NDUFAF3: variants seen among roughly 807,000 people sequenced by gnomAD.
NDUFAF3 encodes NADH dehydrogenase [ubiquinone] 1 alpha subcomplex assembly factor 3.
In NDUFAF3, 21 loss-of-function variants were observed where a neutral mutation model predicts 22.6. That is an observed-to-expected ratio of 0.93 (90% CI 0.66 to 1.34). The LOEUF (loss-of-function observed/expected upper bound fraction) is 1.34, where lower values mean the gene tolerates loss of function less well. NDUFAF3 is among the 40% of genes most tolerant of loss of function. NDUFAF3 has a pLI of 0.00. For missense variants in NDUFAF3, 251 were observed against 248.4 expected, an observed-to-expected ratio of 1.01 and a Z score of -0.07; for synonymous variants, 113 against 104.9, an observed-to-expected ratio of 1.08 and a Z score of -0.47.
At position 49,022,581 on chromosome 3, in the gene NDUFAF3, C is replaced by T. The variant is rs769452693; in HGVS notation, c.270+43C>T. ...GTGTGGAAACTGAGGCCCAGAGTCA[C>T]AGGCCCTCACCCTGCTTGGTCCCTG... On this transcript the variant is annotated intron_variant, in intron 2 of 4. Transcript: ENST00000326925. The surrounding 1 kb of genome is among the most constrained non-coding windows in gnomAD (Gnocchi z 6.6). 2.4e-5 allele frequency: 39 copies of T among 1,613,324 alleles called. No homozygotes were observed. In the African/African-American group the frequency reaches 3.9e-4, roughly 16 times the overall value.
In NDUFAF3 at chr3:49,022,843, A is replaced by G. The variant is rs1431595752; in HGVS notation, c.338-33A>G. The G allele has an allele frequency of 3.7e-6, 6 of 1,613,368 alleles. No individual in the cohort carries two copies. The highest frequency in any genetic ancestry group is 5.1e-6 in the Non-Finnish European group (6 of 1,179,712). Reference sequence around the variant, plus strand: ...GACCCCCACTGCAGCCTCTCAACAGAACTGTAGACTAGCCACACCCACCCT... The same window carrying G: ...GACCCCCACTGCAGCCTCTCAACAGGACTGTAGACTAGCCACACCCACCCT... On this transcript the variant is annotated intron_variant, in intron 3 of 4. Transcript: ENST00000326925. This position sits in a 1 kb window ranked among gnomAD's most constrained non-coding sequence, Gnocchi z 6.6.
At chr3:49,021,588 C>T (rs1382684146), upstream of NDUFAF3, 2 of 158,092 alleles carry the variant, frequency 1.3e-5, no homozygotes, top group Non-Finnish European at 2.8e-5. This position sits in a 1 kb window ranked among gnomAD's most constrained non-coding sequence, Gnocchi z 4.1. Context: ...AATCCACGCT[C>T]GGCCACGCCC....
upstream of NDUFAF3, chr3:49,021,280 G>A (rs1045169183): frequency 6.6e-6 from 1 of 152,372 alleles, no homozygotes; most frequent in Non-Finnish European, 1.5e-5. The surrounding 1 kb of genome is among the most constrained non-coding windows in gnomAD (Gnocchi z 4.1). Flanking sequence ...CAGAGCCGGC[G>A]TGCCGAGATG....
At position 49,022,633 on chromosome 3, in the gene NDUFAF3, C is replaced by T; in HGVS notation, c.271-69C>T. 3 of 1,613,110 alleles carry T rather than the reference C, an allele frequency of 1.9e-6. No individual in the cohort carries two copies. Among genetic ancestry groups the T allele is most frequent in the Middle Eastern group, 1.7e-4 (1 of 6,052 alleles). ...AAACTTGGCTTTCCTCTGTCTCCTC[C>T]TGCAGTGGATGGAGATGGGGAGAGG... is the stretch of plus-strand genomic sequence containing the variant. On this transcript the variant is annotated intron_variant, in intron 2 of 4. Transcript: ENST00000326925. The surrounding 1 kb of genome is among the most constrained non-coding windows in gnomAD (Gnocchi z 6.6).
chr3:49,022,497 G>T lies in NDUFAF3; in HGVS notation c.229G>T (p.Gly77Cys). 1 of 1,613,128 alleles carries T rather than the reference G, an allele frequency of 6.2e-7. No individual in the cohort carries two copies. The highest frequency in any genetic ancestry group is 8.5e-7 in the Non-Finnish European group (1 of 1,179,982). ...CATGATAAACGGAAACCGCGTGCTCGGCCCCTGCGCTCTGCTCCCGCACTC... is the reference window on the plus strand; with the variant it reads ...CATGATAAACGGAAACCGCGTGCTCTGCCCCTGCGCTCTGCTCCCGCACTC... ...GFMINGNRVL[G>C]PCALLPHSVV... is the part of the protein sequence containing the mutation. Residue 77 changes from glycine to cysteine, a missense_variant, in exon 2 of 5, where the codon GGC becomes TGC. Coordinates refer to ENST00000326925, the MANE Select transcript of NDUFAF3 (RefSeq NM_199069.2). The surrounding 1 kb of genome is among the most constrained non-coding windows in gnomAD (Gnocchi z 6.6).
In NDUFAF3 at chr3:49,022,128, C is replaced by T. The variant is rs1243934622; in HGVS notation, c.-17C>T. 2 of 1,604,030 alleles carry T rather than the reference C, an allele frequency of 1.2e-6. No homozygotes were observed. Among genetic ancestry groups the T allele is most frequent in the Admixed American group, 1.7e-5 (1 of 59,576 alleles). On this transcript the variant is annotated 5_prime_UTR_variant, in exon 1 of 5. Transcript: ENST00000326925. This position sits in a 1 kb window ranked among gnomAD's most constrained non-coding sequence, Gnocchi z 6.6. ...ACTAACGGCGCCGGTGACGACTTCG[C>T]CGCGCGTTGGTCAGCCATGGCCACC...
In NDUFAF3 at chr3:49,022,840, C is replaced by T; in HGVS notation, c.338-36C>T. On this transcript the variant is annotated intron_variant, in intron 3 of 4. Coordinates refer to ENST00000326925, the MANE Select transcript of NDUFAF3 (RefSeq NM_199069.2). This position sits in a 1 kb window ranked among gnomAD's most constrained non-coding sequence, Gnocchi z 6.6. Reference sequence around the variant, plus strand: ...GGCGACCCCCACTGCAGCCTCTCAACAGAACTGTAGACTAGCCACACCCAC... The same window carrying T: ...GGCGACCCCCACTGCAGCCTCTCAATAGAACTGTAGACTAGCCACACCCAC... 6.2e-7 allele frequency: 1 copy of T among 1,613,420 alleles called. No homozygotes were observed. The highest frequency in any genetic ancestry group is 8.5e-7 in the Non-Finnish European group (1 of 1,179,706).
upstream of NDUFAF3, chr3:49,021,814 G>C: frequency 2.4e-6 from 1 of 411,538 alleles, no homozygotes. The surrounding 1 kb of genome is among the most constrained non-coding windows in gnomAD (Gnocchi z 4.1). Flanking sequence ...CGGGAGCGCG[G>C]CTTAATAGCT....
Position 49,022,824 on chromosome 3 carries a change from C to T in NDUFAF3, c.338-52C>T. 1 of 1,613,184 alleles carries T rather than the reference C, an allele frequency of 6.2e-7. No homozygotes were observed. Among genetic ancestry groups the T allele is most frequent in the Non-Finnish European group, 8.5e-7 (1 of 1,179,498 alleles). On this transcript the variant is annotated intron_variant, in intron 3 of 4. Coordinates refer to ENST00000326925, the MANE Select transcript of NDUFAF3 (RefSeq NM_199069.2). This position sits in a 1 kb window ranked among gnomAD's most constrained non-coding sequence, Gnocchi z 6.6. ...GTTCTGGGCCCCAGAAGGCGACCCC[C>T]ACTGCAGCCTCTCAACAGAACTGTA... is the stretch of plus-strand genomic sequence containing the variant.
Position 49,022,314 on chromosome 3 carries a change from G to C in NDUFAF3, c.78-32G>C. On this transcript the variant is annotated intron_variant, in intron 1 of 4. Transcript: ENST00000326925. This position sits in a 1 kb window ranked among gnomAD's most constrained non-coding sequence, Gnocchi z 6.6. ...TCCGGCCTCTCGGGCTGCCCGGCCC[G>C]GCCCCGCGCCCCTGACCCTTTCCCT... The C allele has an allele frequency of 6.2e-7, 1 of 1,607,570 alleles. No individual in the cohort carries two copies.
In NDUFAF3 at chr3:49,022,913, G is replaced by T; in HGVS notation, c.375G>T (p.Arg125Ser). ...VVVGTGDRTE[R>S]LQSQVLQAMR... is the part of the protein sequence containing the mutation. The stretch of plus-strand genomic sequence containing the variant: ...TGGGGACTGGAGACCGGACCGAGAG[G>T]CTGCAGTCCCAGGTGCTTCAAGCCA... Residue 125 changes from arginine (R) to serine (S), a missense_variant, in exon 4 of 5, where the codon AGG becomes AGT. Transcript: ENST00000326925. This position sits in a 1 kb window ranked among gnomAD's most constrained non-coding sequence, Gnocchi z 6.6. 31 of 1,614,018 alleles carry T rather than the reference G, an allele frequency of 1.9e-5. No homozygotes were observed. Among genetic ancestry groups the T allele is most frequent in the Non-Finnish European group, 2.6e-5 (31 of 1,180,028 alleles).
At chr3:49,021,632 G>A (rs1253264910), upstream of NDUFAF3, 1 of 160,022 alleles carries the variant, frequency 6.2e-6, no homozygotes, top group Non-Finnish European at 1.4e-5. The surrounding 1 kb of genome is among the most constrained non-coding windows in gnomAD (Gnocchi z 4.1). Context: ...CAACGGTCGC[G>A]CGGGTGACGG....
chr3:49,021,883 C>T, upstream of NDUFAF3: 1 of 549,812 alleles, frequency 1.8e-6, no homozygotes, highest in South Asian at 2.2e-5. The surrounding 1 kb of genome is among the most constrained non-coding windows in gnomAD (Gnocchi z 4.1). Flanking sequence ...GGTGGCCACG[C>T]TGCCAGGTGT....
upstream of NDUFAF3, chr3:49,021,848 G>C (rs2093160707): frequency 4.1e-6 from 2 of 487,796 alleles, no homozygotes; most frequent in South Asian, 2.7e-5. This position sits in a 1 kb window ranked among gnomAD's most constrained non-coding sequence, Gnocchi z 4.1. Flanking sequence ...CCAGGCCGCG[G>C]CTGCGGCCCA....
upstream of NDUFAF3, chr3:49,022,095 A>G (rs1181614749): frequency 6.4e-7 from 1 of 1,570,258 alleles, no homozygotes; most frequent in Non-Finnish European, 8.6e-7. This position sits in a 1 kb window ranked among gnomAD's most constrained non-coding sequence, Gnocchi z 6.6. Context: ...GGCCCTCCCA[A>G]CCCGGGGACT....
chr3:49,022,665 G>T lies in NDUFAF3; in HGVS notation c.271-37G>T. On this transcript the variant is annotated intron_variant, in intron 2 of 4. Coordinates refer to ENST00000326925, the MANE Select transcript of NDUFAF3 (RefSeq NM_199069.2). The surrounding 1 kb of genome is among the most constrained non-coding windows in gnomAD (Gnocchi z 6.6). ...GGATGGAGATGGGGAGAGGCTGCGT[G>T]GATTTGTCGTATTAAATGTGCCTCC... 1 of 1,613,744 alleles carries T rather than the reference G, an allele frequency of 6.2e-7. No individual in the cohort carries two copies.
upstream of NDUFAF3, chr3:49,020,740 A>C (rs764240631): frequency 2.2e-6 from 1 of 464,754 alleles, no homozygotes; most frequent in South Asian, 1.6e-5. Context: ...TCCTGCCCCC[A>C]GGTCACTCGC....
rs140798927 is a variant in NDUFAF3 at position 49,022,976 on chromosome 3, G to C, written c.438G>C (p.Thr146=). 3 of 1,614,094 alleles carry C rather than the reference G, an allele frequency of 1.9e-6. No individual in the cohort carries two copies. The South Asian group carries it at 3.3e-5, about 18-fold the overall frequency. ...GCATTGCTGTGGAAGTGCAGGACAC[G>C]GTGAGTCCCGGGACTGGGGCATGCT... ...QRGIAVEVQD[T]PNACATFNFL... The change falls in exon 4 of 5, where the codon ACG becomes ACC. Residue 146 remains threonine (T), a splice_region_variant and synonymous_variant. Coordinates refer to ENST00000326925, the MANE Select transcript of NDUFAF3 (RefSeq NM_199069.2). The surrounding 1 kb of genome is among the most constrained non-coding windows in gnomAD (Gnocchi z 6.6).
chr3:49,021,672 C>A (rs1388709846), upstream of NDUFAF3: 1 of 173,938 alleles, frequency 5.7e-6, no homozygotes, highest in Non-Finnish European at 1.2e-5. The surrounding 1 kb of genome is among the most constrained non-coding windows in gnomAD (Gnocchi z 4.1). Context: ...CGCGTCTAGC[C>A]GGAGAAACTT....
Sources: gnomAD v4.1 joint callset for allele counts on GRCh38, gnomAD v4.1.1 for gene constraint, Gnocchi (gnomAD v3.1) non-coding constraint, MANE v1.5 for transcripts, NCBI Gene and HGNC (gene_info 2026-07-23, HGNC 2026-07-21) for gene names.